The following ARHGAP12 variants were observed in gnomAD, a reference collection of about 807,000 sequenced individuals.
ARHGAP12 encodes the protein rho GTPase-activating protein 12.
ARHGAP12 carries 64 observed loss-of-function variants against 108.6 expected under a neutral mutation model. The observed-to-expected ratio is 0.59, with a 90% CI of 0.48 to 0.73. ARHGAP12 has a LOEUF of 0.73. Ranked by LOEUF, ARHGAP12 falls within the 30% of genes least tolerant of loss-of-function variation. The pLI, the probability that ARHGAP12 is intolerant of heterozygous loss-of-function variation, is 0.00. For missense variants in ARHGAP12, 940 were observed against 1,005.9 expected (o/e 0.93, Z 0.89); for synonymous variants, 312 against 337.2 (o/e 0.93, Z 0.82).
intron 4 of ARHGAP12, among the ~76,000 whole-genome samples, chr10:31,859,245 T>A (rs1043799025): frequency 1.4e-4 from 21 of 152,134 alleles, no homozygotes; most frequent in Admixed American, 6.5e-5. Context: ...AGACAGCCCT[T>A]ACCGTGTATA....
At chr10:31,837,537 C>T (rs868756908) in intron 9 of ARHGAP12, among the ~76,000 whole-genome samples, 1 of 152,150 alleles carries the variant, frequency 6.6e-6, no homozygotes, top group Non-Finnish European at 1.5e-5. Context: ...TATTCTGCTA[C>T]GTTAGTCTGA....
intron 13 of ARHGAP12, 69 bp from the exon 14 acceptor site, chr10:31,814,430 C>T: frequency 8.2e-7 from 1 of 1,225,254 alleles, no homozygotes; most frequent in Non-Finnish European, 1.2e-6. Flanking sequence ...TGGCATAATT[C>T]TCACAATGAC....
chr10:31,856,342 G>A (rs1167580436), intron 4 of ARHGAP12, among the ~76,000 whole-genome samples: 4 of 152,064 alleles, frequency 2.6e-5, no homozygotes, highest in Non-Finnish European at 5.9e-5. Flanking sequence ...TCAAGACCAC[G>A]CAGGAGTGTT....
In ARHGAP12 at chr10:31,883,251, C is replaced by T. The variant is rs181736963; in HGVS notation, c.685-21593G>A. ...CGGAGGTTGTGGTGAGTTGAGATTG[C>T]GCCATTGCACTCCAGCCTGGGCAAC... On this transcript the variant is annotated intron_variant, in intron 3 of 19. Coordinates refer to ENST00000344936, the MANE Select transcript of ARHGAP12 (RefSeq NM_018287.7). Among the ~76,000 whole-genome samples the T allele has an allele frequency of 3.2e-3, 480 of 152,136 alleles. 5 individuals carry two copies. Among genetic ancestry groups the T allele is most frequent in the Non-Finnish European group, 2.8e-3 (191 of 67,992 alleles).
At position 31,882,820 on chromosome 10, in the gene ARHGAP12, G is replaced by GA. The variant is rs60532023; in HGVS notation, c.685-21163dup. On this transcript the variant is annotated intron_variant, in intron 3 of 19. Coordinates refer to ENST00000344936, the MANE Select transcript of ARHGAP12 (RefSeq NM_018287.7). The stretch of plus-strand genomic sequence containing the variant: ...AGAGCAAGACTCTGTCTCTTAAAAA[G>GA]AAAAAAAAAAAAAAAAACAGAAACT... Among the ~76,000 whole-genome samples, 686 of 130,258 alleles carry GA rather than the reference G, an allele frequency of 5.3e-3. 1 individual carries two copies. The highest frequency in any genetic ancestry group is 0.013 in the African/African-American group (457 of 35,152). The allele number at this position is 130,258 out of a possible 152,430, so 85.5% of individuals were successfully genotyped here. A position where few individuals can be genotyped will look rare whatever the true frequency, so the allele number is the denominator to read the frequency against.
Position 31,854,198 on chromosome 10 carries a change from T to C in ARHGAP12, c.957A>G (p.Ser319=), listed in dbSNP as rs764019439. Residue 319 remains serine, a synonymous_variant, in exon 5 of 20, where the codon TCA becomes TCG. Coordinates refer to ENST00000344936, the MANE Select transcript of ARHGAP12 (RefSeq NM_018287.7). Reference sequence around the variant, plus strand: ...AAGTGCTGTAGTAGTTTTCTTCCGATGAAAGAAGCTACAAATAGTCAGAAA... The same window carrying C: ...AAGTGCTGTAGTAGTTTTCTTCCGACGAAAGAAGCTACAAATAGTCAGAAA... ...FQNPGDQELL[S]SEENYYSTSY... is the part of the protein sequence containing the mutation. The C allele has an allele frequency of 8.2e-5, 131 of 1,604,262 alleles. No individual in the cohort carries two copies. The highest frequency in any genetic ancestry group is 1.0e-4 in the Non-Finnish European group (120 of 1,177,480).
intron 11 of ARHGAP12, among the ~76,000 whole-genome samples, chr10:31,822,324 C>A (rs769363612): frequency 7.2e-5 from 11 of 152,038 alleles, no homozygotes; most frequent in Non-Finnish European, 1.3e-4. Context: ...AAGAAAGCAG[C>A]GAAAGCAAGA....
At chr10:31,823,569 A>G (rs762451999) in intron 11 of ARHGAP12, among the ~76,000 whole-genome samples, 8 of 152,108 alleles carry the variant, frequency 5.3e-5, no homozygotes, top group Non-Finnish European at 1.2e-4. Context: ...TCCATTCATG[A>G]GTACCTGCCC....
intron 8 of ARHGAP12, 143 bp from the exon 9 acceptor site, chr10:31,839,462 G>C (rs1836166182): frequency 1.9e-6 from 2 of 1,077,218 alleles, no homozygotes; most frequent in Non-Finnish European, 2.6e-6. Context: ...AACAAAAGGG[G>C]GACTTTTAAA....
intron 11 of ARHGAP12, among the ~76,000 whole-genome samples, chr10:31,824,054 TG>T (rs1265793065): frequency 6.6e-6 from 1 of 152,182 alleles, no homozygotes; most frequent in Non-Finnish European, 1.5e-5. Flanking sequence ...TGAATGTTCT[TG>T]GGTCATAATA....
intron 19 of ARHGAP12, 37 bp downstream of exon 19, chr10:31,808,612 T>A: frequency 6.3e-7 from 1 of 1,592,428 alleles, no homozygotes; most frequent in Non-Finnish European, 8.6e-7. Context: ...CTTCCCCTTG[T>A]GCTATACCAC....
chr10:31,911,313 C>A (rs1025085498), intron 1 of ARHGAP12, among the ~76,000 whole-genome samples: 1 of 152,146 alleles, frequency 6.6e-6, no homozygotes, highest in Non-Finnish European at 1.5e-5. Context: ...CATGAGCCAC[C>A]GCACCTGGCT....
chr10:31,889,618 C>CTTTT (rs1564414245), intron 3 of ARHGAP12, among the ~76,000 whole-genome samples: 4 of 101,534 alleles, frequency 3.9e-5, no homozygotes, highest in African/African-American at 1.5e-4. Context: ...TAATTTTTCT[C>CTTTT]GTTTTTTTTT....
At chr10:31,872,188 T>G (rs1210417188) in intron 3 of ARHGAP12, among the ~76,000 whole-genome samples, 5 of 152,152 alleles carry the variant, frequency 3.3e-5, no homozygotes, top group Non-Finnish European at 2.9e-5. Flanking sequence ...TATAACTAAA[T>G]AATCTATCAT....
At chr10:31,849,238 T>C (rs540463638) in intron 6 of ARHGAP12, among the ~76,000 whole-genome samples, 13 of 152,282 alleles carry the variant, frequency 8.5e-5, no homozygotes, top group African/African-American at 3.1e-4. Flanking sequence ...CCTTTATTTC[T>C]TTCTCTCAAT....
intron 1 of ARHGAP12, among the ~76,000 whole-genome samples, chr10:31,917,826 C>T (rs910809066): frequency 3.9e-5 from 6 of 152,202 alleles, no homozygotes; most frequent in Non-Finnish European, 8.8e-5. Context: ...ATTGGGATAT[C>T]AAGAGTCATG....
chr10:31,811,065 C>A (rs1382903003), intron 15 of ARHGAP12, among the ~76,000 whole-genome samples: 1 of 152,114 alleles, frequency 6.6e-6, no homozygotes, highest in Non-Finnish European at 1.5e-5. Context: ...ACTTTAATAA[C>A]CCCTCTGACC....
intron 10 of ARHGAP12, chr10:31,826,761 G>C (rs2132186841): frequency 6.1e-6 from 1 of 165,206 alleles, no homozygotes; most frequent in African/African-American, 2.4e-5. Flanking sequence ...GTAAAAATTA[G>C]ACAAACACGC....
At chr10:31,890,080 A>G (rs1055103614) in intron 3 of ARHGAP12, among the ~76,000 whole-genome samples, 2 of 152,132 alleles carry the variant, frequency 1.3e-5, no homozygotes, top group Non-Finnish European at 2.9e-5. Context: ...TACATAAGTC[A>G]TTTCACAACA....
Sources: allele counts gnomAD v4.1 joint callset (sites outside exome capture counted in the v4.1 genomes callset), GRCh38; gene constraint gnomAD v4.1.1; transcripts MANE v1.5; gene names NCBI Gene and HGNC (gene_info 2026-07-23, HGNC 2026-07-21).